ASXL2: variants seen among roughly 807,000 people sequenced by gnomAD.
The protein encoded by ASXL2 is putative Polycomb group protein ASXL2.
In ASXL2, 23 loss-of-function variants were observed where a neutral mutation model predicts 122.0. The observed-to-expected ratio is 0.19, with a 90% CI of 0.14 to 0.27. The LOEUF (loss-of-function observed/expected upper bound fraction) is 0.27. ASXL2 is among the 10% of genes least tolerant of loss of function. The pLI, the probability that ASXL2 is intolerant of heterozygous loss-of-function variation, is 1.00. For missense variants in ASXL2, 1,518 were observed against 1,713.8 expected (o/e 0.89, Z 2.02); for synonymous variants, 650 against 637.0 (o/e 1.02, Z -0.31).
At chr2:25,851,002 G>A (rs1368803711) in intron 1 of ASXL2, among the ~76,000 whole-genome samples, 1 of 152,104 alleles carries the variant, frequency 6.6e-6, no homozygotes, top group East Asian at 1.9e-4. Flanking sequence ...AGCCAGGTGT[G>A]GGGGCGCATG....
At chr2:25,829,145 C>A (rs2089417737) in intron 3 of ASXL2, among the ~76,000 whole-genome samples, 1 of 152,044 alleles carries the variant, frequency 6.6e-6, no homozygotes, top group African/African-American at 2.4e-5. Flanking sequence ...ACCTGTAATA[C>A]CACCTACTAC....
intron 5 of ASXL2, among the ~76,000 whole-genome samples, chr2:25,772,984 G>C (rs1012907029): frequency 3.3e-5 from 5 of 151,824 alleles, no homozygotes; most frequent in African/African-American, 1.2e-4. Context: ...TGAGGCAGGC[G>C]GATCGACTGA....
At chr2:25,746,960 T>C (rs2087953687) in intron 12 of ASXL2, among the ~76,000 whole-genome samples, 1 of 152,186 alleles carries the variant, frequency 6.6e-6, no homozygotes, top group Non-Finnish European at 1.5e-5. Flanking sequence ...TATCAAAATC[T>C]GAGGATGCTC....
At chr2:25,758,540 G>A (rs530344998) in intron 9 of ASXL2, among the ~76,000 whole-genome samples, 1 of 152,298 alleles carries the variant, frequency 6.6e-6, no homozygotes, top group Non-Finnish European at 1.5e-5. Flanking sequence ...AGAAGGGGGA[G>A]TGACTGGGTA....
In ASXL2 at chr2:25,833,339, T is replaced by G. The variant is rs577145153; in HGVS notation, c.143+2199A>C. ...TCTGTTGTACTTTAATTTTCTATAG[T>G]GAGCAATGGACAGCTGTTGTTTATT... On this transcript the variant is annotated intron_variant, in intron 3 of 12. Transcript: ENST00000435504. Among the ~76,000 whole-genome samples the G allele has an allele frequency of 2.6e-5, 4 of 152,330 alleles. No homozygotes were observed. In the East Asian group the frequency reaches 7.7e-4, roughly 29 times the overall value.
chr2:25,799,025 G>C (rs984551334), intron 5 of ASXL2, among the ~76,000 whole-genome samples: 4 of 152,140 alleles, frequency 2.6e-5, no homozygotes, highest in African/African-American at 9.7e-5. Context: ...GTGGCTAGTG[G>C]GGAAGGCTGT....
intron 4 of ASXL2, among the ~76,000 whole-genome samples, chr2:25,805,442 T>C (rs1286594741): frequency 2.0e-5 from 3 of 152,138 alleles, no homozygotes; most frequent in African/African-American, 7.2e-5. Context: ...ATATACATTT[T>C]CCTAATTGTA....
intron 2 of ASXL2, among the ~76,000 whole-genome samples, chr2:25,838,411 C>T (rs1323988884): frequency 6.6e-6 from 1 of 152,206 alleles, no homozygotes; most frequent in Non-Finnish European, 1.5e-5. Flanking sequence ...GTTCAAATTA[C>T]TGTGTACTTT....
chr2:25,749,661 G>A (rs759330145), intron 12 of ASXL2, 35 bp downstream of exon 12: 13 of 1,461,994 alleles, frequency 8.9e-6, no homozygotes, highest in African/African-American at 4.2e-5. Context: ...GGGTTCAGAC[G>A]ATCTCTGCTT....
In ASXL2 at chr2:25,756,006, T is replaced by C; in HGVS notation, c.1036+12A>G. 6.2e-7 allele frequency: 1 copy of C among 1,606,424 alleles called. No homozygotes were observed. The highest frequency in any genetic ancestry group is 8.5e-7 in the Non-Finnish European group (1 of 1,173,036). ...CACACCACCTGGGAGACACATTAAG[T>C]AGAGCACTTACCTTCTGAGAGTCTT... On this transcript the variant is annotated intron_variant, in intron 10 of 12. Transcript: ENST00000435504.
chr2:25,757,547 C>T (rs1410523967), intron 9 of ASXL2, among the ~76,000 whole-genome samples: 3 of 150,168 alleles, frequency 2.0e-5, no homozygotes, highest in African/African-American at 4.9e-5. Context: ...TGGTGGCACA[C>T]GCCTGTAATC....
rs750996718 is a variant in ASXL2, at chr2:25,743,825, G to C, written c.2512C>G (p.Pro838Ala). Residue 838 changes from proline to alanine, a missense_variant, in exon 13 of 13, where the codon CCT (proline) becomes GCT (alanine). This residue lies in a region of ASXL2 where 831 missense variants were observed against 833.1 expected (regional missense o/e 1.00). Coordinates refer to ENST00000435504, the MANE Select transcript of ASXL2 (RefSeq NM_018263.6). ...GGTGAGGCACCTGAGATTAGAGCAGGACCTGTTGGAGAAGGTGCTTTCTCC... is the reference window on the plus strand; with the variant it reads ...GGTGAGGCACCTGAGATTAGAGCAGCACCTGTTGGAGAAGGTGCTTTCTCC... ...RQEKAPSPTG[P>A]ALISGASPVH... 39 of 1,613,924 alleles carry C rather than the reference G, an allele frequency of 2.4e-5. No individual in the cohort carries two copies. The highest frequency in any genetic ancestry group is 3.3e-5 in the Non-Finnish European group (39 of 1,179,906).
intron 11 of ASXL2, 121 bp downstream of exon 11, chr2:25,753,413 A>G (rs1229830590): frequency 7.4e-6 from 5 of 671,830 alleles, no homozygotes; most frequent in Non-Finnish European, 1.2e-5. Flanking sequence ...AAAAAAAACA[A>G]AATAAAACAA....
At chr2:25,752,505 T>G (rs999280193) in intron 11 of ASXL2, among the ~76,000 whole-genome samples, 2 of 152,198 alleles carry the variant, frequency 1.3e-5, no homozygotes, top group Non-Finnish European at 2.9e-5. Context: ...TTAGTGATTC[T>G]GGATAGCTAC....
chr2:25,761,529 C>T (rs1392750042), intron 8 of ASXL2, among the ~76,000 whole-genome samples: 2 of 151,768 alleles, frequency 1.3e-5, no homozygotes, highest in East Asian at 1.9e-4. Flanking sequence ...AAAAATCAGC[C>T]GGGCTTGGTG....
chr2:25,795,839 C>T (rs1015482094), intron 5 of ASXL2, among the ~76,000 whole-genome samples: 2 of 152,166 alleles, frequency 1.3e-5, no homozygotes. Flanking sequence ...GCCCTTTACA[C>T]TTTTGGCTTC....
intron 1 of ASXL2, 24 bp from the exon 2 acceptor site, chr2:25,845,587 A>G: frequency 2.0e-6 from 2 of 1,012,148 alleles, no homozygotes; most frequent in Non-Finnish European, 2.7e-6. Context: ...ATATAATAAT[A>G]AATTATTTCT....
Position 25,743,498 on chromosome 2 carries a change from G to C in ASXL2, c.2839C>G (p.Pro947Ala). ...GPTLRPTSSI[P>A]ANNPLVTQLL... The stretch of plus-strand genomic sequence containing the variant: ...TGAGTCACTAAAGGATTATTAGCAG[G>C]GATACTAGAGGTTGGTCTTAAAGTG... Residue 947 changes from proline (P) to alanine (A), a missense_variant, in exon 13 of 13, where the codon CCT becomes GCT. Physicochemically the swap from Pro to Ala is conservative, Grantham distance 27. Coordinates refer to ENST00000435504, the MANE Select transcript of ASXL2 (RefSeq NM_018263.6). The C allele has an allele frequency of 6.2e-7, 1 of 1,613,900 alleles. No homozygotes were observed. Among genetic ancestry groups the C allele is most frequent in the South Asian group, 1.1e-5 (1 of 91,072 alleles).
In ASXL2 at chr2:25,815,342, A is replaced by T. The variant is rs2089220166; in HGVS notation, c.144-9005T>A. On this transcript the variant is annotated intron_variant, in intron 3 of 12. Transcript: ENST00000435504. ...CTTTCTTTTCATTTGGTAATTTAAA[A>T]TTCTTCTGACTACTTGGCCCAACAC... Among the ~76,000 whole-genome samples the T allele has an allele frequency of 2.0e-5, 3 of 151,984 alleles. No individual in the cohort carries two copies. In the South Asian group the frequency reaches 6.2e-4, roughly 31 times the overall value.
Sources: allele counts gnomAD v4.1 joint callset (sites outside exome capture counted in the v4.1 genomes callset), GRCh38; gene constraint gnomAD v4.1.1; regional missense constraint gnomAD v4.1.1; transcripts MANE v1.5; gene names NCBI Gene and HGNC (gene_info 2026-07-23, HGNC 2026-07-21).